Variants in EYS observed in about 807,000 individuals in gnomAD.
EYS encodes the protein protein eyes shut homolog.
In EYS, 250 loss-of-function variants were observed where a neutral mutation model predicts 282.1. The ratio of observed to expected loss-of-function variants is 0.89; its 90% CI spans 0.80 to 0.98. The LOEUF is 0.98. Ranked by LOEUF, EYS falls within the 50% of genes least tolerant of loss-of-function variation. The probability of loss-of-function intolerance (pLI) is 0.00; values close to 1 mark genes in which losing one functional copy is unlikely to be tolerated. For synonymous variants in EYS, 1,355 were observed against 1,282.9 expected, an observed-to-expected ratio of 1.06 and a Z score of -1.20; for missense variants, 4,016 against 3,709.0, an observed-to-expected ratio of 1.08 and a Z score of -2.15.
chr6:65,070,548 C>G (rs923642103), intron 12 of EYS, among the ~76,000 whole-genome samples: 1 of 151,650 alleles, frequency 6.6e-6, no homozygotes. Context: ...TGTGGGTACA[C>G]TGTAGGTTAT....
intron 36 of EYS, among the ~76,000 whole-genome samples, chr6:63,833,414 A>T (rs965885527): frequency 6.6e-6 from 1 of 152,186 alleles, no homozygotes; most frequent in African/African-American, 2.4e-5. Flanking sequence ...GCATTCCTAT[A>T]CACCAATAAG....
chr6:65,181,342 G>A (rs886686299), intron 12 of EYS, among the ~76,000 whole-genome samples: 4 of 151,686 alleles, frequency 2.6e-5, no homozygotes, highest in Non-Finnish European at 4.4e-5. Flanking sequence ...ATCTACAATG[G>A]ACTCAAACAA....
chr6:63,789,538 A>G (rs1169234672), intron 37 of EYS, among the ~76,000 whole-genome samples: 1 of 152,228 alleles, frequency 6.6e-6, no homozygotes, highest in African/African-American at 2.4e-5. Context: ...TGCACTTTAC[A>G]ATAAGGAGAA....
At chr6:65,571,260 AATAT>A (rs957556140) in intron 2 of EYS, among the ~76,000 whole-genome samples, 14 of 151,852 alleles carry the variant, frequency 9.2e-5, no homozygotes, top group African/African-American at 3.4e-4. Flanking sequence ...CTTCAGCTAA[AATAT>A]ATATATATAA....
At chr6:63,941,018 CT>C (rs1487032063) in intron 35 of EYS, among the ~76,000 whole-genome samples, 4 of 151,988 alleles carry the variant, frequency 2.6e-5, no homozygotes, top group African/African-American at 4.8e-5. Context: ...TGAACTCACC[CT>C]TTTTTATGGC....
chr6:63,803,647 G>T (rs1163668122), intron 37 of EYS, among the ~76,000 whole-genome samples: 1 of 152,154 alleles, frequency 6.6e-6, no homozygotes, highest in African/African-American at 2.4e-5. Flanking sequence ...GAATCCTTGT[G>T]AAGCTCTGTT....
chr6:64,603,390 A>G (rs1337474603), intron 24 of EYS, among the ~76,000 whole-genome samples: 1 of 151,986 alleles, frequency 6.6e-6, no homozygotes, highest in Non-Finnish European at 1.5e-5. Flanking sequence ...TGAAGCGGAA[A>G]GAGTGAAATT....
chr6:65,016,888 C>G (rs1266942521), intron 13 of EYS, among the ~76,000 whole-genome samples: 2 of 152,124 alleles, frequency 1.3e-5, no homozygotes, highest in Non-Finnish European at 2.9e-5. Context: ...CTAGCTAACA[C>G]TGTATATCCT....
chr6:64,867,940 T>C (rs781237961), intron 19 of EYS, among the ~76,000 whole-genome samples: 3 of 151,526 alleles, frequency 2.0e-5, no homozygotes, highest in Non-Finnish European at 3.0e-5. Context: ...AAAAGTATCA[T>C]TAATTTTGAT....
intron 16 of EYS, among the ~76,000 whole-genome samples, chr6:64,908,390 C>A (rs528736393): frequency 6.6e-6 from 1 of 152,216 alleles, no homozygotes; most frequent in African/African-American, 2.4e-5. Flanking sequence ...TTAGTTCCAC[C>A]ATTCACAGAC....
chr6:64,117,100 A>G (rs1018600233), intron 31 of EYS, among the ~76,000 whole-genome samples: 2 of 152,076 alleles, frequency 1.3e-5, no homozygotes, highest in African/African-American at 2.4e-5. Context: ...ATTGCATACA[A>G]CAGTTGAACA....
At chr6:65,044,691 C>G (rs1773046883) in intron 13 of EYS, among the ~76,000 whole-genome samples, 1 of 151,840 alleles carries the variant, frequency 6.6e-6, no homozygotes, top group Non-Finnish European at 1.5e-5. Context: ...TTGGAAGCAG[C>G]CACAACCACT....
chr6:64,685,489 G>A (rs1228897554), intron 22 of EYS, among the ~76,000 whole-genome samples: 1 of 152,132 alleles, frequency 6.6e-6, no homozygotes, highest in East Asian at 1.9e-4. Context: ...GGGTGGTGGT[G>A]AGTGAGTTCC....
Position 65,321,104 on chromosome 6 carries a change from C to T in EYS, c.1766+13876G>A, listed in dbSNP as rs113615642. Among the ~76,000 whole-genome samples the T allele has an allele frequency of 9.1e-3, 1,369 of 150,706 alleles. 23 individuals are homozygous for T. Among genetic ancestry groups the T allele is most frequent in the African/African-American group, 0.031 (1,281 of 41,024 alleles). On this transcript the variant is annotated intron_variant, in intron 11 of 42. Transcript: ENST00000503581. ...CCCATGGCAGTGCTCTGTAAGACTA[C>T]GGAGATTTTGTGGGATTAAAACTAG...
intron 26 of EYS, among the ~76,000 whole-genome samples, chr6:64,506,145 C>A (rs1483616514): frequency 6.6e-6 from 1 of 152,054 alleles, no homozygotes; most frequent in Non-Finnish European, 1.5e-5. Flanking sequence ...TATCCCAATA[C>A]AGTATACTGT....
At chr6:64,687,609 G>C (rs1770205043) in intron 22 of EYS, among the ~76,000 whole-genome samples, 2 of 152,158 alleles carry the variant, frequency 1.3e-5, no homozygotes, top group African/African-American at 4.8e-5. Flanking sequence ...ATATGCGGCT[G>C]GATTCGGTTT....
intron 28 of EYS, among the ~76,000 whole-genome samples, chr6:64,423,025 C>T (rs530800638): frequency 3.3e-5 from 5 of 151,774 alleles, no homozygotes; most frequent in East Asian, 1.9e-4. Flanking sequence ...ATGTTGAATG[C>T]CTGTTTTGTA....
intron 22 of EYS, among the ~76,000 whole-genome samples, chr6:64,764,770 CA>C (rs1236983486): frequency 6.6e-6 from 1 of 152,116 alleles, no homozygotes; most frequent in East Asian, 1.9e-4. Flanking sequence ...CGTAGTTTTG[CA>C]CTTGTCATCC....
At chr6:64,556,289 T>C (rs1045725745) in intron 26 of EYS, among the ~76,000 whole-genome samples, 1 of 152,022 alleles carries the variant, frequency 6.6e-6, no homozygotes, top group East Asian at 1.9e-4. Flanking sequence ...TAGAATATTA[T>C]TTAACAATCA....
Sources: gnomAD v4.1 joint callset for allele counts (sites outside exome capture counted in the v4.1 genomes callset) on GRCh38, gnomAD v4.1.1 for gene constraint, MANE v1.5 for transcripts, NCBI Gene and HGNC (gene_info 2026-07-23, HGNC 2026-07-21) for gene names.